The following ARL15 variants were observed in gnomAD, a reference collection of about 807,000 sequenced individuals.
The protein encoded by ARL15 is ADP-ribosylation factor-like protein 15.
ARL15 carries 19 observed loss-of-function variants against 25.2 expected under a neutral mutation model. The observed-to-expected ratio is 0.75, with a 90% confidence interval of 0.53 to 1.10. The LOEUF is 1.10. Among genes scored for constraint, ARL15 ranks in the 50% least tolerant of loss-of-function variants. The pLI, the probability that ARL15 is intolerant of heterozygous loss-of-function variation, is 0.00. For missense variants in ARL15, 220 were observed against 246.0 expected (o/e 0.89, Z 0.71); for synonymous variants, 94 against 86.8 (o/e 1.08, Z -0.46).
chr5:53,923,822 G>A (rs868824208), intron 4 of ARL15, among the ~76,000 whole-genome samples: 3 of 151,964 alleles, frequency 2.0e-5, no homozygotes, highest in Non-Finnish European at 2.9e-5. Context: ...CCGAGGTTGC[G>A]CCACTGCACT....
intron 1 of ARL15, among the ~76,000 whole-genome samples, chr5:54,216,572 A>G (rs766851039): frequency 6.6e-6 from 1 of 152,182 alleles, no homozygotes; most frequent in Non-Finnish European, 1.5e-5. Flanking sequence ...CCACCAGCAC[A>G]TTTTATTTTA....
intron 1 of ARL15, among the ~76,000 whole-genome samples, chr5:54,273,808 A>G (rs1003990862): frequency 9.2e-5 from 14 of 152,222 alleles, no homozygotes; most frequent in African/African-American, 3.1e-4. Context: ...GATCATGACC[A>G]TGATGATGGT....
intron 4 of ARL15, among the ~76,000 whole-genome samples, chr5:53,982,270 T>C (rs1748145701): frequency 6.6e-6 from 1 of 151,910 alleles, no homozygotes; most frequent in Admixed American, 6.6e-5. Flanking sequence ...TGTGTCATGG[T>C]GGTTTGCTGC....
chr5:53,897,905 A>G (rs1457767284), intron 4 of ARL15, among the ~76,000 whole-genome samples: 9 of 152,212 alleles, frequency 5.9e-5, no homozygotes, highest in Non-Finnish European at 1.3e-4. Flanking sequence ...AAACTTAACT[A>G]CTAATAGCCT....
rs368449846 is a variant in ARL15, at chr5:54,274,142, G to A, written c.48+36290C>T. 9.7e-4 allele frequency among the ~76,000 whole-genome samples: 147 copies of A among 152,232 alleles called. 3 individuals are homozygous for A. In the South Asian group the frequency reaches 0.03, roughly 31 times the overall value. On this transcript the variant is annotated intron_variant, in intron 1 of 4. Transcript: ENST00000504924. ...CTAGTTCCTGGCTTGGCAGCTGAACGGGCTGTGGTGCCAGTCACTGAGAAA... is the reference window on the plus strand; with the variant it reads ...CTAGTTCCTGGCTTGGCAGCTGAACAGGCTGTGGTGCCAGTCACTGAGAAA...
intron 4 of ARL15, among the ~76,000 whole-genome samples, chr5:53,985,006 T>C (rs1434199813): frequency 6.6e-6 from 1 of 152,236 alleles, no homozygotes; most frequent in African/African-American, 2.4e-5. Flanking sequence ...TTTTAAATAT[T>C]GAACTTTCTA....
At chr5:54,287,006 T>C (rs567289242) in intron 1 of ARL15, among the ~76,000 whole-genome samples, 1 of 151,506 alleles carries the variant, frequency 6.6e-6, no homozygotes, top group Non-Finnish European at 1.5e-5. Flanking sequence ...GCCTCCCAAA[T>C]AGCTAGGACT....
chr5:54,037,381 A>C (rs1476364509), intron 4 of ARL15, among the ~76,000 whole-genome samples: 2 of 152,152 alleles, frequency 1.3e-5, no homozygotes, highest in African/African-American at 2.4e-5. Context: ...AAGTTTACAT[A>C]GTTTTCTGTG....
At chr5:54,227,344 A>G (rs1460619593) in intron 1 of ARL15, among the ~76,000 whole-genome samples, 1 of 152,218 alleles carries the variant, frequency 6.6e-6, no homozygotes, top group Non-Finnish European at 1.5e-5. Flanking sequence ...GCAAGGTGGC[A>G]TGACTAACAC....
At chr5:54,043,756 A>G (rs1349755063) in intron 4 of ARL15, among the ~76,000 whole-genome samples, 1 of 152,096 alleles carries the variant, frequency 6.6e-6, no homozygotes, top group Non-Finnish European at 1.5e-5. Flanking sequence ...CTTTATAAAC[A>G]ATGACCATGA....
intron 4 of ARL15, among the ~76,000 whole-genome samples, chr5:54,025,657 GTT>G (rs1366936975): frequency 7.4e-6 from 1 of 135,218 alleles, no homozygotes; most frequent in Non-Finnish European, 1.7e-5. Context: ...TTATTTGTTT[GTT>G]TGTTTGTTTG....
chr5:54,297,313 G>C (rs191093117), intron 1 of ARL15, among the ~76,000 whole-genome samples: 1 of 152,246 alleles, frequency 6.6e-6, no homozygotes, highest in South Asian at 2.1e-4. Flanking sequence ...GGTTCCTGGG[G>C]CAGAGAATTG....
chr5:53,934,485 G>A, intron 4 of ARL15, among the ~76,000 whole-genome samples: 1 of 152,026 alleles, frequency 6.6e-6, no homozygotes, highest in East Asian at 1.9e-4. Flanking sequence ...AAACTTGACA[G>A]CTGCCCAAAG....
At chr5:54,204,857 C>T (rs1579908772) in intron 1 of ARL15, among the ~76,000 whole-genome samples, 1 of 151,582 alleles carries the variant, frequency 6.6e-6, no homozygotes. Flanking sequence ...GTAGCTTGTG[C>T]ACTGTTTTTC....
At chr5:53,935,714 A>G (rs1580095766) in intron 4 of ARL15, among the ~76,000 whole-genome samples, 1 of 152,290 alleles carries the variant, frequency 6.6e-6, no homozygotes, top group East Asian at 1.9e-4. Flanking sequence ...AACAACAACA[A>G]CCACAGATCC....
intron 4 of ARL15, among the ~76,000 whole-genome samples, chr5:54,013,899 A>C (rs1385422748): frequency 6.6e-6 from 1 of 151,944 alleles, no homozygotes; most frequent in Non-Finnish European, 1.5e-5. Context: ...CTGAGGAGAC[A>C]GACTTGAGTA....
At chr5:54,001,188 GCTTAGGTACTAGA>G (rs1450506633) in intron 4 of ARL15, among the ~76,000 whole-genome samples, 1 of 152,174 alleles carries the variant, frequency 6.6e-6, no homozygotes, top group African/African-American at 2.4e-5. Context: ...GGTTGTGTGT[GCTTAGGTACTAGA>G]CTCAGTAATC....
chr5:53,945,245 C>T (rs192735668), intron 4 of ARL15, among the ~76,000 whole-genome samples: 1 of 152,340 alleles, frequency 6.6e-6, no homozygotes. Flanking sequence ...TTCCACTGTA[C>T]TCCTAGCTTC....
At chr5:53,968,967 G>A (rs955314431) in intron 4 of ARL15, among the ~76,000 whole-genome samples, 2 of 151,628 alleles carry the variant, frequency 1.3e-5, no homozygotes, top group Non-Finnish European at 2.9e-5. Context: ...GGACAACATG[G>A]TGAAACCCCG....
Sources: gnomAD v4.1 joint callset for allele counts (sites outside exome capture counted in the v4.1 genomes callset) on GRCh38, gnomAD v4.1.1 for gene constraint, MANE v1.5 for transcripts, NCBI Gene and HGNC (gene_info 2026-07-23, HGNC 2026-07-21) for gene names.